The following SEMA3E variants were observed in gnomAD, a reference collection of about 807,000 sequenced individuals.
The protein encoded by SEMA3E is semaphorin-3E.
SEMA3E carries 49 observed loss-of-function variants against 93.6 expected under a neutral mutation model. That is an observed-to-expected ratio of 0.52 (90% CI 0.42 to 0.66). The LOEUF is 0.66. SEMA3E is among the 30% of genes least tolerant of loss of function. The pLI, the probability that SEMA3E is intolerant of heterozygous loss-of-function variation, is 0.00. For missense variants in SEMA3E, 906 were observed against 964.8 expected (o/e 0.94, Z 0.81); for synonymous variants, 363 against 330.7 (o/e 1.10, Z -1.06).
At chr7:83,418,832 T>C (rs916008967) in intron 4 of SEMA3E, among the ~76,000 whole-genome samples, 47 of 152,190 alleles carry the variant, frequency 3.1e-4, no homozygotes, top group African/African-American at 1.1e-3. Flanking sequence ...GGAGGTTCAA[T>C]GTTAAAAATG....
At chr7:83,497,744 T>C (rs1790516856) in intron 1 of SEMA3E, among the ~76,000 whole-genome samples, 1 of 152,176 alleles carries the variant, frequency 6.6e-6, no homozygotes, top group South Asian at 2.1e-4. Flanking sequence ...ACAATCAGCT[T>C]GTCTTTCATG....
At chr7:83,490,645 C>A (rs1364113221) in intron 1 of SEMA3E, among the ~76,000 whole-genome samples, 2 of 151,902 alleles carry the variant, frequency 1.3e-5, no homozygotes, top group African/African-American at 4.8e-5. Flanking sequence ...CAGATAAATG[C>A]CACTCAGAAA....
At chr7:83,617,444 A>AAATTTTATATAAATAACATAT (rs1793394218) in intron 1 of SEMA3E, among the ~76,000 whole-genome samples, 1 of 99,820 alleles carries the variant, frequency 1.0e-5, no homozygotes. Context: ...AATTTTATAT[A>AAATTTTATATAAATAACATAT]AATTTTATAT....
intron 12 of SEMA3E, 120 bp from the exon 13 acceptor site, chr7:83,394,458 TAG>T: frequency 1.3e-6 from 1 of 791,722 alleles, no homozygotes; most frequent in Non-Finnish European, 2.0e-6. Flanking sequence ...AAGTACTGTA[TAG>T]CTTTCATTTT....
intron 14 of SEMA3E, among the ~76,000 whole-genome samples, chr7:83,388,640 C>A (rs1787931830): frequency 6.6e-6 from 1 of 151,960 alleles, no homozygotes; most frequent in Non-Finnish European, 1.5e-5. Flanking sequence ...CAATGAGATG[C>A]TTTAACCATA....
intron 1 of SEMA3E, among the ~76,000 whole-genome samples, chr7:83,642,550 A>G (rs1794027148): frequency 6.6e-6 from 1 of 152,138 alleles, no homozygotes; most frequent in Admixed American, 6.5e-5. Flanking sequence ...TCTTGTCACT[A>G]TCATTCCTAT....
Position 83,385,413 on chromosome 7 carries a change from C to T in SEMA3E, c.1756G>A (p.Glu586Lys). 1 of 1,613,396 alleles carries T rather than the reference C, an allele frequency of 6.2e-7. No individual in the cohort carries two copies. Among genetic ancestry groups the T allele is most frequent in the African/African-American group, 1.3e-5 (1 of 74,992 alleles). ...QFVGDALDKT[E>K]EHLAYGIENN... ...TCTATGCCATAAGCCAGATGTTCTT[C>T]AGTCTTATCCAAAGCATCCCCTACA... The change falls in exon 16 of 17, where the codon GAA becomes AAA. Residue 586 changes from glutamate (E) to lysine (K), a missense_variant. Glu to Lys is a moderately conservative substitution (Grantham distance 56). Coordinates refer to ENST00000643230, the MANE Select transcript of SEMA3E (RefSeq NM_012431.3).
At chr7:83,492,008 C>T (rs2723007) in intron 1 of SEMA3E, among the ~76,000 whole-genome samples, 150,489 of 152,144 alleles carry the variant, frequency 0.99, 74,440 homozygotes, top group East Asian at 1. Flanking sequence ...TAAGCATTTA[C>T]GTTTATATCA....
chr7:83,443,747 A>C (rs1428050404), intron 4 of SEMA3E, among the ~76,000 whole-genome samples: 1 of 152,110 alleles, frequency 6.6e-6, no homozygotes, highest in Non-Finnish European at 1.5e-5. Flanking sequence ...AGAGTATTCA[A>C]ATATTTGAAC....
At chr7:83,457,707 T>G (rs2115843793) in intron 4 of SEMA3E, among the ~76,000 whole-genome samples, 1 of 152,228 alleles carries the variant, frequency 6.6e-6, no homozygotes, top group African/African-American at 2.4e-5. Flanking sequence ...TCTTAAATAT[T>G]ATGAATGTCT....
chr7:83,561,468 C>T (rs1792028436), intron 1 of SEMA3E, among the ~76,000 whole-genome samples: 1 of 151,960 alleles, frequency 6.6e-6, no homozygotes, highest in South Asian at 2.1e-4. Flanking sequence ...CTGTTTTTTG[C>T]CTGCCTCCTA....
intron 1 of SEMA3E, among the ~76,000 whole-genome samples, chr7:83,591,537 C>T (rs113697470): frequency 0.1 from 15,362 of 151,674 alleles, 986 homozygotes; most frequent in East Asian, 0.2. Flanking sequence ...GTTCTTTGAA[C>T]ATTTCTATCT....
chr7:83,537,017 GTC>G (rs548468513), intron 1 of SEMA3E, among the ~76,000 whole-genome samples: 1 of 151,348 alleles, frequency 6.6e-6, no homozygotes, highest in Non-Finnish European at 1.5e-5. Context: ...ATCTTTCTCT[GTC>G]TCTCTCTCTC....
intron 1 of SEMA3E, among the ~76,000 whole-genome samples, chr7:83,533,123 TG>T (rs1791339107): frequency 6.6e-6 from 1 of 152,182 alleles, no homozygotes; most frequent in Admixed American, 6.6e-5. Flanking sequence ...CTCCTCCACC[TG>T]TACAACTGAC....
At position 83,406,061 on chromosome 7, in the gene SEMA3E, T is replaced by C. The variant is rs768589410; in HGVS notation, c.814-2A>G. 2 of 1,604,322 alleles carry C rather than the reference T, an allele frequency of 1.2e-6. No homozygotes were observed. On this transcript the variant is annotated splice_acceptor_variant, in intron 7 of 16. Coordinates refer to ENST00000643230, the MANE Select transcript of SEMA3E (RefSeq NM_012431.3). LOFTEE classifies it high-confidence loss of function. ...TATTCTCTGCCCTCCTACATCATTC[T>C]GTGAAAACCAAAAAGGAGGTAAATA...
chr7:83,396,071 A>G (rs1045273978), intron 12 of SEMA3E, among the ~76,000 whole-genome samples: 4 of 113,916 alleles, frequency 3.5e-5, no homozygotes, highest in East Asian at 3.1e-4. Context: ...GTGTGTGTGT[A>G]TAAGTGCATA....
intron 1 of SEMA3E, among the ~76,000 whole-genome samples, chr7:83,618,412 T>G (rs965504436): frequency 3.3e-5 from 5 of 152,026 alleles, no homozygotes; most frequent in African/African-American, 9.7e-5. Context: ...ATTTTAGTAC[T>G]TCATTTTATA....
chr7:83,630,973 T>G (rs1562862639), intron 1 of SEMA3E, among the ~76,000 whole-genome samples: 2 of 152,212 alleles, frequency 1.3e-5, no homozygotes, highest in African/African-American at 2.4e-5. Context: ...TTCTGAAAAA[T>G]TATGTGCCTT....
rs78520946 is a variant in SEMA3E, at chr7:83,430,059, T to C, written c.457-11576A>G. ...TAAGAAGCTTATGTTCCAAGCTTAC[T>C]GTGTTTCAGGTATTCAATCAATATT... On this transcript the variant is annotated intron_variant, in intron 4 of 16. Coordinates refer to ENST00000643230, the MANE Select transcript of SEMA3E (RefSeq NM_012431.3). Among the ~76,000 whole-genome samples, 55 of 152,352 alleles carry C rather than the reference T, an allele frequency of 3.6e-4. 1 individual carries two copies. The East Asian group carries it at 9.4e-3, about 26-fold the overall frequency.
Sources: allele counts gnomAD v4.1 joint callset (sites outside exome capture counted in the v4.1 genomes callset), GRCh38; gene constraint gnomAD v4.1.1; transcripts MANE v1.5; gene names NCBI Gene and HGNC (gene_info 2026-07-23, HGNC 2026-07-21).